The following DROSHA variants were observed in gnomAD, a reference collection of about 807,000 sequenced individuals.
The protein encoded by DROSHA is ribonuclease 3.
In DROSHA, 56 loss-of-function variants were observed where a neutral mutation model predicts 181.9. The ratio of observed to expected loss-of-function variants is 0.31; its 90% CI spans 0.25 to 0.38. DROSHA has a LOEUF of 0.38. Among genes scored for constraint, DROSHA ranks in the 10% least tolerant of loss-of-function variants. The probability of loss-of-function intolerance (pLI) is 1.00; values close to 1 mark genes in which losing one functional copy is unlikely to be tolerated. For synonymous variants in DROSHA, 524 were observed against 591.2 expected (o/e 0.89, Z 1.65); for missense variants, 1,218 against 1,743.5 (o/e 0.70, Z 5.37).
intron 15 of DROSHA, among the ~76,000 whole-genome samples, chr5:31,484,076 C>T (rs1411551285): frequency 1.3e-5 from 2 of 152,148 alleles, no homozygotes; most frequent in African/African-American, 2.4e-5. Context: ...TGCTAGAATA[C>T]GGATACTTCC....
chr5:31,496,657 G>A (rs1753017824), intron 11 of DROSHA, among the ~76,000 whole-genome samples: 1 of 152,170 alleles, frequency 6.6e-6, no homozygotes. Context: ...CAGAGGACAG[G>A]GACAGCTTAT....
intron 23 of DROSHA, among the ~76,000 whole-genome samples, chr5:31,446,274 G>A (rs1269593686): frequency 2.6e-5 from 4 of 151,446 alleles, no homozygotes; most frequent in East Asian, 2.0e-4. Context: ...GTGAGACCCT[G>A]TCTCTACTAA....
chr5:31,407,415 T>C (rs1740777505), intron 33 of DROSHA, among the ~76,000 whole-genome samples: 1 of 152,200 alleles, frequency 6.6e-6, no homozygotes, highest in South Asian at 2.1e-4. Context: ...CTGTATCTTA[T>C]CTAAAAGATC....
intron 30 of DROSHA, among the ~76,000 whole-genome samples, chr5:31,420,703 A>G (rs766770557): frequency 5.3e-5 from 8 of 150,624 alleles, no homozygotes; most frequent in Non-Finnish European, 1.0e-4. Context: ...TTCCCACCAA[A>G]TCCCAATGGC....
intron 23 of DROSHA, among the ~76,000 whole-genome samples, chr5:31,446,446 C>CAAAAA (rs60001713): frequency 1.2e-4 from 7 of 59,340 alleles, no homozygotes; most frequent in East Asian, 7.5e-4. Flanking sequence ...GACTCTGTCT[C>CAAAAA]AAAAAAAAAA....
At chr5:31,442,060 A>C (rs974490156) in intron 23 of DROSHA, among the ~76,000 whole-genome samples, 1 of 152,216 alleles carries the variant, frequency 6.6e-6, no homozygotes, top group African/African-American at 2.4e-5. Flanking sequence ...GTTTTACCTT[A>C]ATTTCTTTTA....
intron 20 of DROSHA, among the ~76,000 whole-genome samples, chr5:31,454,151 T>C (rs140139080): frequency 6.6e-6 from 1 of 152,110 alleles, no homozygotes; most frequent in Non-Finnish European, 1.5e-5. Context: ...TAACAACACA[T>C]GTTCACCGCA....
chr5:31,446,162 C>T (rs1269429875), intron 23 of DROSHA, among the ~76,000 whole-genome samples: 1 of 152,070 alleles, frequency 6.6e-6, no homozygotes, highest in Non-Finnish European at 1.5e-5. Context: ...GAAAATAATT[C>T]CAGGCCGGGC....
intron 6 of DROSHA, among the ~76,000 whole-genome samples, chr5:31,520,632 G>A (rs532911411): frequency 3.3e-5 from 5 of 152,154 alleles, no homozygotes; most frequent in African/African-American, 9.6e-5. Flanking sequence ...AACTGACCCC[G>A]AATCTGTCAG....
chr5:31,445,516 C>A (rs1249033450), intron 23 of DROSHA, among the ~76,000 whole-genome samples: 1 of 152,146 alleles, frequency 6.6e-6, no homozygotes, highest in Non-Finnish European at 1.5e-5. Flanking sequence ...AAACTACAAA[C>A]AAGTATCTCT....
intron 13 of DROSHA, among the ~76,000 whole-genome samples, chr5:31,487,138 G>A (rs1751878848): frequency 1.3e-5 from 2 of 152,194 alleles, no homozygotes; most frequent in Admixed American, 1.3e-4. Flanking sequence ...ATTCATTCAT[G>A]TAACCATCAC....
intron 13 of DROSHA, chr5:31,488,882 T>G (rs1338614742): frequency 6.6e-6 from 1 of 152,160 alleles, no homozygotes; most frequent in African/African-American, 2.4e-5. Flanking sequence ...ACCATTCTGA[T>G]GTGGGAGGAA....
intron 33 of DROSHA, 38 bp from the exon 34 acceptor site, chr5:31,406,983 T>G: frequency 6.3e-7 from 1 of 1,583,246 alleles, no homozygotes; most frequent in East Asian, 2.2e-5. Flanking sequence ...TATGGTAAAG[T>G]GTTATTTGTC....
rs1316665224 is a variant in DROSHA at position 31,515,501 on chromosome 5, A to G, written c.1011T>C (p.Ile337=). 3.7e-5 allele frequency: 56 copies of G among 1,501,666 alleles called. No homozygotes were observed. Among genetic ancestry groups the G allele is most frequent in the Non-Finnish European group, 4.8e-5 (53 of 1,101,044 alleles). The allele number at this position is 1,501,666 out of a possible 1,614,324, so 93.0% of individuals were successfully genotyped here. A position where few individuals can be genotyped will look rare whatever the true frequency, so the allele number is the denominator to read the frequency against. Residue 337 remains isoleucine (I), a synonymous_variant, in exon 7 of 36, where the codon ATT becomes ATC. Transcript: ENST00000344624. ...GGGCCCAAGAATCTGTATTTTTAATAATCTCCCCAGGTAATTCTGGTGTGC... is the reference window on the plus strand; with the variant it reads ...GGGCCCAAGAATCTGTATTTTTAATGATCTCCCCAGGTAATTCTGGTGTGC... The part of the protein sequence containing the change: ...AGCTPELPGE[I]IKNTDSWAPP...
intron 23 of DROSHA, among the ~76,000 whole-genome samples, chr5:31,440,060 C>A: frequency 6.6e-6 from 1 of 152,094 alleles, no homozygotes; most frequent in Non-Finnish European, 1.5e-5. Flanking sequence ...TCATACCCAC[C>A]CCTCTTTTAT....
At position 31,514,756 on chromosome 5, in the gene DROSHA, G is replaced by C. The variant is rs558860578; in HGVS notation, c.1290+232C>G. On this transcript the variant is annotated intron_variant, in intron 8 of 35. Coordinates refer to ENST00000344624, the MANE Select transcript of DROSHA (RefSeq NM_001382508.1). The surrounding 1 kb of genome is among the most constrained non-coding windows in gnomAD (Gnocchi z 4.4). ...TGTCTGTAACAGTGATTCTCAACTG[G>C]GGGTGATCTTTTCCCCCCAGGGGAC... Among the ~76,000 whole-genome samples, 19 of 152,260 alleles carry C rather than the reference G, an allele frequency of 1.2e-4. No homozygotes were observed. Among genetic ancestry groups the C allele is most frequent in the Middle Eastern group, 6.8e-3 (2 of 294 alleles).
chr5:31,523,531 G>A (rs1276878831), intron 5 of DROSHA, among the ~76,000 whole-genome samples: 1 of 152,120 alleles, frequency 6.6e-6, no homozygotes, highest in African/African-American at 2.4e-5. Context: ...TCAAAACAGA[G>A]GCGGAAATAC....
intron 20 of DROSHA, among the ~76,000 whole-genome samples, chr5:31,463,307 T>TA (rs1163629530): frequency 6.6e-6 from 1 of 152,154 alleles, no homozygotes; most frequent in Non-Finnish European, 1.5e-5. Context: ...ACTTAGTAAA[T>TA]AAATTGTGTA....
At chr5:31,462,981 T>C (rs1333028063) in intron 20 of DROSHA, among the ~76,000 whole-genome samples, 1 of 152,128 alleles carries the variant, frequency 6.6e-6, no homozygotes, top group Non-Finnish European at 1.5e-5. Flanking sequence ...ATCATCAGAT[T>C]TGGAGCAAAC....
Sources: gnomAD v4.1 joint callset for allele counts (sites outside exome capture counted in the v4.1 genomes callset) on GRCh38, gnomAD v4.1.1 for gene constraint, Gnocchi (gnomAD v3.1) non-coding constraint, MANE v1.5 for transcripts, NCBI Gene and HGNC (gene_info 2026-07-23, HGNC 2026-07-21) for gene names.